PTPRD: variants seen among roughly 807,000 people sequenced by gnomAD.
The protein encoded by PTPRD is receptor-type tyrosine-protein phosphatase delta.
A neutral mutation model predicts 214.5 loss-of-function variants in PTPRD; 34 were observed. That is an observed-to-expected ratio of 0.16 (90% confidence interval 0.12 to 0.21). PTPRD has a LOEUF of 0.21. Among genes scored for constraint, PTPRD ranks in the 10% least tolerant of loss-of-function variants. PTPRD has a pLI of 1.00. For synonymous variants in PTPRD, 1,128 were observed against 845.7 expected, an observed-to-expected ratio of 1.33 and a Z score of -5.79; for missense variants, 2,545 against 2,398.7, an observed-to-expected ratio of 1.06 and a Z score of -1.27.
intron 8 of PTPRD, among the ~76,000 whole-genome samples, chr9:9,453,654 C>A (rs750418158): frequency 6.6e-6 from 1 of 151,650 alleles, no homozygotes; most frequent in African/African-American, 2.4e-5. Context: ...GTTTACTGTT[C>A]TCTTCAATAG....
At chr9:9,738,364 AT>A (rs1337474958) in intron 6 of PTPRD, among the ~76,000 whole-genome samples, 1 of 143,660 alleles carries the variant, frequency 7.0e-6, no homozygotes, top group African/African-American at 2.7e-5. Flanking sequence ...AATGTTGAAC[AT>A]TTTTTTCATA....
chr9:10,222,623 C>A (rs1445989605), intron 3 of PTPRD, among the ~76,000 whole-genome samples: 1 of 152,040 alleles, frequency 6.6e-6, no homozygotes, highest in East Asian at 1.9e-4. Context: ...TTAACTTGTT[C>A]TGGAGTAGCC....
At chr9:10,523,220 G>A (rs1026150988) in intron 2 of PTPRD, among the ~76,000 whole-genome samples, 2 of 151,978 alleles carry the variant, frequency 1.3e-5, no homozygotes, top group Non-Finnish European at 2.9e-5. Flanking sequence ...AAGGCAGAGT[G>A]TGCCTAGATT....
intron 36 of PTPRD, among the ~76,000 whole-genome samples, chr9:8,394,491 G>A (rs1383089909): frequency 6.6e-6 from 1 of 152,164 alleles, no homozygotes; most frequent in African/African-American, 2.4e-5. Context: ...TAGAGAAACT[G>A]ACCAGGAAAC....
chr9:9,129,954 G>T (rs917864836), intron 10 of PTPRD, among the ~76,000 whole-genome samples: 2 of 152,082 alleles, frequency 1.3e-5, no homozygotes, highest in Admixed American at 6.6e-5. Flanking sequence ...TGTAAAATAG[G>T]TGTAACAACA....
rs376648567 is a variant in PTPRD at position 8,485,872 on chromosome 9, G to T, written c.2945C>A (p.Thr982Asn). ...GTATGTGGTATCTGGTTTTAAGCCA[G>T]TGAGTGTCATAGTGGTGTCAGCTGG... Reference protein sequence around the residue: ...IVPADTTMTLTGLKPDTTYDV... With the variant: ...IVPADTTMTLNGLKPDTTYDV... Residue 982 changes from threonine to asparagine, a missense_variant, in exon 28 of 46, where the codon ACT (threonine) becomes AAT (asparagine). Physicochemically the swap from Thr to Asn is moderately conservative, Grantham distance 65 (BLOSUM62 0). Transcript: ENST00000381196. 6.2e-7 allele frequency: 1 copy of T among 1,614,174 alleles called. No homozygotes were observed. Among genetic ancestry groups the T allele is most frequent in the South Asian group, 1.1e-5 (1 of 91,082 alleles).
intron 10 of PTPRD, among the ~76,000 whole-genome samples, chr9:9,119,121 A>G (rs2099815123): frequency 6.6e-6 from 1 of 152,212 alleles, no homozygotes; most frequent in Non-Finnish European, 1.5e-5. Context: ...GTTCTTTAGT[A>G]TGTCCTGCTG....
chr9:9,659,369 T>G (rs905908516), intron 7 of PTPRD, among the ~76,000 whole-genome samples: 2 of 152,086 alleles, frequency 1.3e-5, no homozygotes, highest in Non-Finnish European at 2.9e-5. Context: ...AATGTTTCAA[T>G]GTTTTCAAAG....
chr9:9,638,425 A>G, intron 7 of PTPRD, among the ~76,000 whole-genome samples: 1 of 152,182 alleles, frequency 6.6e-6, no homozygotes, highest in Admixed American at 6.5e-5. Flanking sequence ...AACTAGAATG[A>G]CCATTTATCC....
chr9:9,910,163 T>A (rs1296362801), intron 5 of PTPRD, among the ~76,000 whole-genome samples: 1 of 151,952 alleles, frequency 6.6e-6, no homozygotes, highest in Non-Finnish European at 1.5e-5. Flanking sequence ...CAGGATTAAA[T>A]AAGTTACATA....
At chr9:8,684,975 G>C (rs2097649278) in intron 12 of PTPRD, among the ~76,000 whole-genome samples, 1 of 152,102 alleles carries the variant, frequency 6.6e-6, no homozygotes, top group African/African-American at 2.4e-5. Flanking sequence ...ATTGCTTTGA[G>C]TGAATTTCTG....
intron 2 of PTPRD, among the ~76,000 whole-genome samples, chr9:10,518,610 T>A: frequency 6.6e-6 from 1 of 152,068 alleles, no homozygotes; most frequent in South Asian, 2.1e-4. Flanking sequence ...TTGGCTCACT[T>A]CAAGCTCCGC....
intron 10 of PTPRD, among the ~76,000 whole-genome samples, chr9:9,056,935 T>C (rs2099697331): frequency 6.6e-6 from 1 of 152,238 alleles, no homozygotes; most frequent in Admixed American, 6.5e-5. Flanking sequence ...GAAAGTTCTC[T>C]GTGCACCAAC....
chr9:10,552,026 T>C (rs961824036), intron 2 of PTPRD, among the ~76,000 whole-genome samples: 1 of 152,116 alleles, frequency 6.6e-6, no homozygotes, highest in Admixed American at 6.6e-5. Flanking sequence ...TGCTTTGGAG[T>C]CTTCAAGCAA....
chr9:9,006,880 G>C (rs1333507064), intron 11 of PTPRD, among the ~76,000 whole-genome samples: 1 of 151,692 alleles, frequency 6.6e-6, no homozygotes, highest in Non-Finnish European at 1.5e-5. Flanking sequence ...AAAAATATTG[G>C]GGGGTCATAT....
chr9:8,328,064 ATG>A (rs1835794919), intron 44 of PTPRD, among the ~76,000 whole-genome samples: 1 of 152,138 alleles, frequency 6.6e-6, no homozygotes, highest in African/African-American at 2.4e-5. Context: ...TGTCATTATG[ATG>A]TTTGCTGGTT....
rs569209618 is a variant in PTPRD, at chr9:10,494,624, G to A, written c.-600+117774C>T. ...TTTAGGTCTTTTCTCTCAGTCTGGG[G>A]CTTTTTTTTTTTCACTCTAACAAAT... On this transcript the variant is annotated intron_variant, in intron 2 of 45. Transcript: ENST00000381196. 5.4e-5 allele frequency among the ~76,000 whole-genome samples: 8 copies of A among 147,652 alleles called. No individual in the cohort carries two copies. The South Asian group carries it at 1.7e-3, about 31-fold the overall frequency.
chr9:9,723,283 C>G (rs1417319551), intron 7 of PTPRD, among the ~76,000 whole-genome samples: 1 of 152,008 alleles, frequency 6.6e-6, no homozygotes, highest in African/African-American at 2.4e-5. Flanking sequence ...ATTACTTTCT[C>G]CATTGGGTTA....
chr9:9,770,610 A>G (rs1456976717), intron 5 of PTPRD, among the ~76,000 whole-genome samples: 1 of 152,054 alleles, frequency 6.6e-6, no homozygotes, highest in African/African-American at 2.4e-5. Context: ...TCTCATTCCT[A>G]TCATAATACT....
Sources: gnomAD v4.1 joint callset for allele counts (sites outside exome capture counted in the v4.1 genomes callset) on GRCh38, gnomAD v4.1.1 for gene constraint, MANE v1.5 for transcripts, NCBI Gene and HGNC (gene_info 2026-07-23, HGNC 2026-07-21) for gene names.